Variants in LRRK2 observed in about 807,000 individuals in gnomAD.
LRRK2 encodes leucine rich repeat kinase 2.
LRRK2 carries 203 observed loss-of-function variants against 302.6 expected under a neutral mutation model. The observed-to-expected ratio is 0.67, with a 90% CI of 0.60 to 0.75. The LOEUF (loss-of-function observed/expected upper bound fraction) is 0.75. Ranked by LOEUF, LRRK2 falls within the 30% of genes least tolerant of loss-of-function variation. The pLI is 0.00. For synonymous variants in LRRK2, 1,066 were observed against 1,031.9 expected, an observed-to-expected ratio of 1.03 and a Z score of -0.63; for missense variants, 2,830 against 2,951.0, an observed-to-expected ratio of 0.96 and a Z score of 0.95.
intron 3 of LRRK2, among the ~76,000 whole-genome samples, chr12:40,235,083 T>C (rs542383998): frequency 2.0e-4 from 30 of 152,314 alleles, no homozygotes; most frequent in Non-Finnish European, 3.8e-4. Flanking sequence ...CAATTGATGA[T>C]TTGACATGTG....
Position 40,277,902 on chromosome 12 carries a change from C to T in LRRK2, c.1956C>T (p.Ile652=). The T allele has an allele frequency of 1.9e-6, 3 of 1,609,096 alleles. No individual in the cohort carries two copies. Among genetic ancestry groups the T allele is most frequent in the Non-Finnish European group, 2.5e-6 (3 of 1,178,612 alleles). The part of the protein sequence containing the change: ...AEIQTKGFQT[I]LAILKLSASF... ...TATACTTTTAGGGATTTCAGACAATCTTAGCAATCCTCAAATTGTCAGCAT... is the reference window on the plus strand; with the variant it reads ...TATACTTTTAGGGATTTCAGACAATTTTAGCAATCCTCAAATTGTCAGCAT... The change falls in exon 17 of 51, where the codon ATC becomes ATT. Residue 652 remains isoleucine (I), a synonymous_variant. Transcript: ENST00000298910.
At chr12:40,325,200 T>C (rs1945507250) in intron 38 of LRRK2, among the ~76,000 whole-genome samples, 1 of 152,110 alleles carries the variant, frequency 6.6e-6, no homozygotes, top group South Asian at 2.1e-4. Flanking sequence ...AGGCAGAGAA[T>C]TGCTTGAACC....
At chr12:40,242,625 T>C (rs540325683) in intron 6 of LRRK2, among the ~76,000 whole-genome samples, 1 of 151,828 alleles carries the variant, frequency 6.6e-6, no homozygotes, top group South Asian at 2.1e-4. Flanking sequence ...CATAGCTGAT[T>C]TTAACTGTTC....
chr12:40,359,071 A>G (rs1001382307), intron 46 of LRRK2, among the ~76,000 whole-genome samples, 189 bp from the exon 47 acceptor site: 2 of 151,632 alleles, frequency 1.3e-5, no homozygotes, highest in Non-Finnish European at 2.9e-5. Flanking sequence ...TTGATTTTGA[A>G]TCCTTTACTA....
intron 38 of LRRK2, among the ~76,000 whole-genome samples, chr12:40,324,057 T>C (rs1044950847): frequency 6.6e-6 from 1 of 152,138 alleles, no homozygotes; most frequent in Admixed American, 6.5e-5. Flanking sequence ...GTGTATGCAT[T>C]ATAACTACTT....
rs11564150 is a variant in LRRK2, at chr12:40,287,115, T to C, written c.2501-236T>C. ...CTTTTCCTGAATAAAGTTAGTTCCATAGAGATTCAGTTTTGCTGTCTACAT... is the reference window on the plus strand; with the variant it reads ...CTTTTCCTGAATAAAGTTAGTTCCACAGAGATTCAGTTTTGCTGTCTACAT... On this transcript the variant is annotated intron_variant, in intron 19 of 50. Transcript: ENST00000298910. Among the ~76,000 whole-genome samples, 18,906 of 151,942 alleles carry C rather than the reference T, an allele frequency of 0.12. 1,374 individuals are homozygous for C. The highest frequency in any genetic ancestry group is 0.14 in the African/African-American group (5,869 of 41,498).
intron 48 of LRRK2, 140 bp from the exon 49 acceptor site, chr12:40,364,702 G>T (rs1381412301): frequency 7.0e-6 from 5 of 717,928 alleles, no homozygotes; most frequent in Non-Finnish European, 1.2e-5. Flanking sequence ...AGCAAAATTT[G>T]CTTTGTATAA....
chr12:40,317,402 C>T (rs1945258764), intron 33 of LRRK2, among the ~76,000 whole-genome samples: 1 of 152,006 alleles, frequency 6.6e-6, no homozygotes, highest in African/African-American at 2.4e-5. Context: ...ACTTGTCTGA[C>T]AGCTATTAGC....
intron 41 of LRRK2, among the ~76,000 whole-genome samples, chr12:40,345,973 T>G (rs937387497): frequency 1.3e-5 from 2 of 152,220 alleles, no homozygotes; most frequent in Non-Finnish European, 2.9e-5. Context: ...CATATCATCT[T>G]AGAAAGTGAT....
intron 40 of LRRK2, among the ~76,000 whole-genome samples, chr12:40,335,436 A>T (rs1945838642): frequency 6.6e-6 from 1 of 152,226 alleles, no homozygotes; most frequent in Non-Finnish European, 1.5e-5. Flanking sequence ...CTTCTATAAA[A>T]ATGTATAAGT....
chr12:40,367,791 TA>T lies in LRRK2; in HGVS notation c.*27del. ...GAGAGAAATAGGAATTGTCTTTGGATAGGAAAATTATTCTCTCCTCTTGTAA... is the reference window on the plus strand; with the variant it reads ...GAGAGAAATAGGAATTGTCTTTGGATGGAAAATTATTCTCTCCTCTTGTAA... On this transcript the variant is annotated 3_prime_UTR_variant, in exon 51 of 51. Coordinates refer to ENST00000298910, the MANE Select transcript of LRRK2 (RefSeq NM_198578.4). The T allele has an allele frequency of 6.3e-7, 1 of 1,594,776 alleles. No homozygotes were observed. The highest frequency in any genetic ancestry group is 1.1e-5 in the South Asian group (1 of 88,664).
intron 41 of LRRK2, among the ~76,000 whole-genome samples, chr12:40,345,628 A>C: frequency 6.7e-6 from 1 of 148,630 alleles, no homozygotes; most frequent in Non-Finnish European, 1.5e-5. Context: ...ATCTCAAAAA[A>C]AAAAAAAAAA....
intron 49 of LRRK2, chr12:40,365,446 A>T (rs574292294): frequency 5.8e-6 from 1 of 172,366 alleles, no homozygotes; most frequent in Non-Finnish European, 1.2e-5. Flanking sequence ...TTTTCATTCT[A>T]TAACAAATCT....
intron 46 of LRRK2, among the ~76,000 whole-genome samples, chr12:40,357,164 C>T (rs112259589): frequency 0.064 from 9,750 of 152,196 alleles, 425 homozygotes; most frequent in Admixed American, 0.13. Context: ...TTTTTAGCTC[C>T]CACATATGAG....
rs1369953026 is a variant in LRRK2, at chr12:40,356,304, T to C, written c.6843+117T>C. The C allele has an allele frequency of 7.2e-6, 5 of 699,140 alleles. No individual in the cohort carries two copies. In the Admixed American group the frequency reaches 8.5e-5, roughly 12 times the overall value. The allele number at this position is 699,140 out of a possible 1,614,324, so 43.3% of individuals were successfully genotyped here. On this transcript the variant is annotated intron_variant, in intron 46 of 50. Transcript: ENST00000298910. ...TGAGAGCAAGAATCATAAATTATGC[T>C]GTATTTGTATTGCTTCATAAAATCT...
chr12:40,325,923 G>A (rs1945533594), intron 38 of LRRK2, among the ~76,000 whole-genome samples: 1 of 152,154 alleles, frequency 6.6e-6, no homozygotes, highest in Admixed American at 6.5e-5. Context: ...AGAAGCCACA[G>A]GGTACATTTC....
At chr12:40,266,049 C>G (rs1411426753) in intron 14 of LRRK2, among the ~76,000 whole-genome samples, 1 of 152,164 alleles carries the variant, frequency 6.6e-6, no homozygotes, top group Non-Finnish European at 1.5e-5. Flanking sequence ...CATAAAAACC[C>G]TAGAAGAAAA....
chr12:40,351,844 C>T lies in LRRK2; in HGVS notation c.6576+111C>T, dbSNP rs184150300. The T allele has an allele frequency of 1.7e-3, 1,931 of 1,116,848 alleles. 20 individuals are homozygous for T. Among genetic ancestry groups the T allele is most frequent in the South Asian group, 0.011 (755 of 71,664 alleles). 69.2% of individuals were successfully genotyped at this position (1,116,848 alleles called of 1,614,324 possible). A position where few individuals can be genotyped will look rare whatever the true frequency, so the allele number is the denominator to read the frequency against. ...AATGTAGGATTATTATTCAATTAGC[C>T]TTCTGTTAGAACAAGAGTATTCAAG... On this transcript the variant is annotated intron_variant, in intron 44 of 50. Coordinates refer to ENST00000298910, the MANE Select transcript of LRRK2 (RefSeq NM_198578.4).
At chr12:40,254,736 A>G (rs1592168256) in intron 11 of LRRK2, among the ~76,000 whole-genome samples, 1 of 152,184 alleles carries the variant, frequency 6.6e-6, no homozygotes, top group Non-Finnish European at 1.5e-5. Context: ...GACTGGTTAC[A>G]TTCAGAGTCC....
Sources: allele counts gnomAD v4.1 joint callset (sites outside exome capture counted in the v4.1 genomes callset), GRCh38; gene constraint gnomAD v4.1.1; transcripts MANE v1.5; gene names NCBI Gene and HGNC (gene_info 2026-07-23, HGNC 2026-07-21).